Variants in CLSTN2 observed in about 807,000 individuals in gnomAD.
The protein encoded by CLSTN2 is calsyntenin 2.
A neutral mutation model predicts 101.2 loss-of-function variants in CLSTN2; 48 were observed. That is an observed-to-expected ratio of 0.47 (90% CI 0.38 to 0.60). The LOEUF (loss-of-function observed/expected upper bound fraction) is 0.60, where lower values mean the gene tolerates loss of function less well. Among genes scored for constraint, CLSTN2 ranks in the 20% least tolerant of loss-of-function variants. The probability of loss-of-function intolerance (pLI) is 0.00; values close to 1 mark genes in which losing one functional copy is unlikely to be tolerated. For missense variants in CLSTN2, 1,160 were observed against 1,238.2 expected (o/e 0.94, Z 0.95); for synonymous variants, 481 against 463.6 (o/e 1.04, Z -0.48).
chr3:140,252,259 G>A (rs1371302914), intron 2 of CLSTN2, among the ~76,000 whole-genome samples: 1 of 152,146 alleles, frequency 6.6e-6, no homozygotes, highest in South Asian at 2.1e-4. Flanking sequence ...GTCAGGGTAG[G>A]GAGCAAACTC....
At chr3:140,426,328 C>T (rs112332787) in intron 5 of CLSTN2, among the ~76,000 whole-genome samples, 12,882 of 152,184 alleles carry the variant, frequency 0.085, 864 homozygotes, top group African/African-American at 0.19. Flanking sequence ...CTCCCTGTGT[C>T]CATGTGTTCT....
intron 9 of CLSTN2, among the ~76,000 whole-genome samples, chr3:140,535,251 C>T (rs1194764661): frequency 1.3e-5 from 2 of 152,202 alleles, no homozygotes; most frequent in Non-Finnish European, 2.9e-5. Context: ...TTCTGAAATC[C>T]CTTGGGGCAG....
chr3:140,008,913 C>A (rs941677805), intron 1 of CLSTN2, among the ~76,000 whole-genome samples: 2 of 152,172 alleles, frequency 1.3e-5, no homozygotes, highest in Non-Finnish European at 2.9e-5. Flanking sequence ...ATCCAAATAG[C>A]ATTTGTTTTG....
At chr3:139,969,761 C>T (rs528146572) in intron 1 of CLSTN2, among the ~76,000 whole-genome samples, 5 of 152,096 alleles carry the variant, frequency 3.3e-5, no homozygotes, top group Admixed American at 2.0e-4. Flanking sequence ...CCTCCAGCCT[C>T]CTTTCAAATG....
intron 1 of CLSTN2, among the ~76,000 whole-genome samples, chr3:140,146,197 A>G (rs2009778826): frequency 6.6e-6 from 1 of 152,262 alleles, no homozygotes; most frequent in African/African-American, 2.4e-5. Context: ...ATAAAACTGG[A>G]AAAAAGTGGA....
At chr3:139,943,306 T>C (rs77748746) in intron 1 of CLSTN2, among the ~76,000 whole-genome samples, 69 of 152,292 alleles carry the variant, frequency 4.5e-4, no homozygotes, top group African/African-American at 1.6e-3. Context: ...TTTAGCATCT[T>C]GTGCAAATGA....
chr3:140,149,741 G>A (rs1040736530), intron 1 of CLSTN2, among the ~76,000 whole-genome samples: 1 of 152,180 alleles, frequency 6.6e-6, no homozygotes, highest in Non-Finnish European at 1.5e-5. Flanking sequence ...ACAGGCATGA[G>A]CCACCGCGCC....
At chr3:140,076,805 C>T (rs1339286325) in intron 1 of CLSTN2, among the ~76,000 whole-genome samples, 1 of 151,912 alleles carries the variant, frequency 6.6e-6, no homozygotes, top group African/African-American at 2.4e-5. Flanking sequence ...ATCTTTATAG[C>T]TCTCTCTGGC....
intron 2 of CLSTN2, among the ~76,000 whole-genome samples, chr3:140,297,966 A>T (rs1051874657): frequency 2.0e-5 from 3 of 152,240 alleles, no homozygotes; most frequent in Non-Finnish European, 4.4e-5. Flanking sequence ...TGAATGTATT[A>T]AATGTGTACT....
intron 9 of CLSTN2, among the ~76,000 whole-genome samples, chr3:140,534,646 A>G (rs1485441145): frequency 2.0e-5 from 3 of 152,242 alleles, no homozygotes; most frequent in African/African-American, 7.2e-5. Flanking sequence ...AGGAAAAGAA[A>G]ACATGGCAAA....
At position 140,568,455 on chromosome 3, in the gene CLSTN2, C is replaced by G. The variant is rs1419584302; in HGVS notation, c.*2202C>G. The G allele has an allele frequency of 6.6e-6, 1 of 152,142 alleles. No individual in the cohort carries two copies. The highest frequency in any genetic ancestry group is 1.5e-5 in the Non-Finnish European group (1 of 68,032). 9.4% of individuals were successfully genotyped at this position (152,142 alleles called of 1,614,324 possible). A position where few individuals can be genotyped will look rare whatever the true frequency, so the allele number is the denominator to read the frequency against. ...TCATTGGATGGAAACAGATATTTCT[C>G]CTGGGAATTCTCCCAACCAAATAGC... is the stretch of plus-strand genomic sequence containing the variant. On this transcript the variant is annotated 3_prime_UTR_variant, in exon 17 of 17. Coordinates refer to ENST00000458420, the MANE Select transcript of CLSTN2 (RefSeq NM_022131.3).
intron 1 of CLSTN2, among the ~76,000 whole-genome samples, chr3:140,016,847 T>C (rs2007212605): frequency 6.7e-6 from 1 of 149,154 alleles, no homozygotes; most frequent in African/African-American, 2.5e-5. Flanking sequence ...AGGTGAACCA[T>C]GATGGATGCA....
chr3:139,997,776 C>T (rs1313824787), intron 1 of CLSTN2, among the ~76,000 whole-genome samples: 2 of 152,012 alleles, frequency 1.3e-5, no homozygotes, highest in African/African-American at 4.8e-5. Context: ...TTCAAATGTA[C>T]ATTTAGAGTC....
At chr3:140,107,580 T>C (rs1028447230) in intron 1 of CLSTN2, among the ~76,000 whole-genome samples, 1 of 152,190 alleles carries the variant, frequency 6.6e-6, no homozygotes, top group African/African-American at 2.4e-5. Context: ...ATATTAATAC[T>C]ATTCTGAGTA....
intron 2 of CLSTN2, among the ~76,000 whole-genome samples, chr3:140,311,819 C>A (rs2107917365): frequency 6.6e-6 from 1 of 152,250 alleles, no homozygotes; most frequent in South Asian, 2.1e-4. Context: ...GCACTCAACC[C>A]CAGATCCTGG....
intron 1 of CLSTN2, among the ~76,000 whole-genome samples, chr3:140,134,240 C>T (rs1428424958): frequency 1.3e-5 from 2 of 152,074 alleles, no homozygotes; most frequent in African/African-American, 4.8e-5. Flanking sequence ...TGCCTTTATC[C>T]CTCCTCTCCC....
At chr3:140,191,970 G>A (rs1479520049) in intron 2 of CLSTN2, among the ~76,000 whole-genome samples, 1 of 151,646 alleles carries the variant, frequency 6.6e-6, no homozygotes, top group Non-Finnish European at 1.5e-5. Flanking sequence ...CTTTTTTAAT[G>A]TTATAAATTT....
intron 2 of CLSTN2, among the ~76,000 whole-genome samples, chr3:140,280,363 G>A (rs1297362330): frequency 1.3e-5 from 2 of 152,124 alleles, no homozygotes; most frequent in Non-Finnish European, 2.9e-5. Flanking sequence ...AAATGGAAGG[G>A]AAGAAAATCT....
At chr3:140,152,764 T>C (rs1028919482) in intron 1 of CLSTN2, among the ~76,000 whole-genome samples, 2 of 152,188 alleles carry the variant, frequency 1.3e-5, no homozygotes, top group Non-Finnish European at 2.9e-5. Context: ...TAATTTCTGC[T>C]TTACAGGTAC....
Sources: gnomAD v4.1 joint callset for allele counts (sites outside exome capture counted in the v4.1 genomes callset) on GRCh38, gnomAD v4.1.1 for gene constraint, MANE v1.5 for transcripts, NCBI Gene and HGNC (gene_info 2026-07-23, HGNC 2026-07-21) for gene names.